The following WIPF3 variants were observed in gnomAD, a reference collection of about 807,000 sequenced individuals.
WIPF3 encodes the protein WAS/WASL interacting protein family member 3, also known as WAS/WASL-interacting protein family member 3.
A neutral mutation model predicts 38.9 loss-of-function variants in WIPF3; 33 were observed. That is an observed-to-expected ratio of 0.85 (90% CI 0.64 to 1.14). The LOEUF (loss-of-function observed/expected upper bound fraction) is 1.14. WIPF3 is among the 50% of genes most tolerant of loss of function. The pLI, the probability that WIPF3 is intolerant of heterozygous loss-of-function variation, is 0.00. For missense variants in WIPF3, 711 were observed against 652.5 expected (o/e 1.09, Z -0.98); for synonymous variants, 324 against 269.3 (o/e 1.20, Z -1.99).
intron 7 of WIPF3, among the ~76,000 whole-genome samples, chr7:29,893,856 G>A (rs1030565327): frequency 3.9e-5 from 6 of 151,986 alleles, no homozygotes. Context: ...GGCCCCTGAA[G>A]GCTTTTTAAT....
chr7:29,808,748 CAG>C (rs1282174388), intron 1 of WIPF3, among the ~76,000 whole-genome samples: 3 of 151,610 alleles, frequency 2.0e-5, no homozygotes, highest in South Asian at 2.1e-4. Context: ...GTTATAAGAA[CAG>C]GGGAAAGCCA....
intron 1 of WIPF3, among the ~76,000 whole-genome samples, chr7:29,822,004 TAA>T (rs1296052333): frequency 1.4e-4 from 21 of 152,264 alleles, no homozygotes; most frequent in Admixed American, 7.8e-4. Context: ...TTAAATCCTT[TAA>T]GTTAATAATT....
chr7:29,866,179 T>C (rs148517842), intron 2 of WIPF3, among the ~76,000 whole-genome samples: 148 of 152,276 alleles, frequency 9.7e-4, no homozygotes, highest in Admixed American at 2.5e-3. Flanking sequence ...GAAGTCTAGA[T>C]TCACTTACAT....
Position 29,834,757 on chromosome 7 carries a change from G to GCC in WIPF3, c.34_35dup (p.Pro13LeufsTer20). The GCC allele has an allele frequency of 1.5e-6, 2 of 1,342,522 alleles. No individual in the cohort carries two copies. Among genetic ancestry groups the GCC allele is most frequent in the Non-Finnish European group, 1.9e-6 (2 of 1,043,378 alleles). The allele number at this position is 1,342,522 out of a possible 1,614,324, so 83.2% of individuals were successfully genotyped here. A position where few individuals can be genotyped will look rare whatever the true frequency, so the allele number is the denominator to read the frequency against. On this transcript the variant is annotated frameshift_variant, in exon 2 of 9. Coordinates refer to ENST00000242140, the MANE Select transcript of WIPF3 (RefSeq NM_001080529.3). LOFTEE classifies it high-confidence loss of function. ...TGCCACCGCCACCCCCACCTCCTCT[G>GCC]CCTCCACCTCCCCCGCCTCTGGGGG...
At chr7:29,905,165 C>A (rs1786367689) in intron 8 of WIPF3, 1 of 152,198 alleles carries the variant, frequency 6.6e-6, no homozygotes, top group Admixed American at 6.5e-5. Flanking sequence ...GGATGAGTTC[C>A]TCAGAGGAAA....
chr7:29,807,556 G>C (rs1298442129), intron 1 of WIPF3, among the ~76,000 whole-genome samples: 1 of 152,208 alleles, frequency 6.6e-6, no homozygotes, highest in African/African-American at 2.4e-5. Flanking sequence ...GGAGGGTGGC[G>C]TGCCAGCCGC....
Position 29,884,572 on chromosome 7 carries a change from A to C in WIPF3, c.1078A>C (p.Lys360Gln). 6.2e-7 allele frequency: 1 copy of C among 1,604,588 alleles called. No individual in the cohort carries two copies. The highest frequency in any genetic ancestry group is 1.3e-5 in the African/African-American group (1 of 74,838). The change falls in exon 5 of 9, where the codon AAG becomes CAG. Residue 360 changes from lysine to glutamine, a missense_variant. Physicochemically the swap from Lys to Gln is moderately conservative, Grantham distance 53. Transcript: ENST00000242140. ...APPGSQPFLQ[K>Q]KRHGRPGAGG... ...TCCGGGCTCCCAGCCGTTCCTGCAG[A>C]AGAAGAGGCATGGCCGACCAGGTAA... is the stretch of plus-strand genomic sequence containing the variant.
At chr7:29,850,768 G>A (rs966972806) in intron 2 of WIPF3, among the ~76,000 whole-genome samples, 3 of 152,150 alleles carry the variant, frequency 2.0e-5, no homozygotes, top group African/African-American at 7.2e-5. Flanking sequence ...TGCCCCACCT[G>A]GCACACACTC....
Position 29,883,854 on chromosome 7 carries a change from C to T in WIPF3, c.360C>T (p.Gly120=), listed in dbSNP as rs1785774035. 3 of 1,528,190 alleles carry T rather than the reference C, an allele frequency of 2.0e-6. No individual in the cohort carries two copies. The highest frequency in any genetic ancestry group is 2.6e-6 in the Non-Finnish European group (3 of 1,135,752). The allele number at this position is 1,528,190 out of a possible 1,614,324, so 94.7% of individuals were successfully genotyped here. The change falls in exon 5 of 9, where the codon GGC becomes GGT. Residue 120 remains glycine, a synonymous_variant. Transcript: ENST00000242140. ...RPAGQRDVAG[G]KTGQGPGSRA... is the part of the protein sequence containing the mutation. ...CAGAATCTCTTTCACTTCCAGGTGGCAAGACAGGGCAGGGCCCTGGCTCCC... is the reference window on the plus strand; with the variant it reads ...CAGAATCTCTTTCACTTCCAGGTGGTAAGACAGGGCAGGGCCCTGGCTCCC...
At chr7:29,808,619 GT>G (rs1784324181) in intron 1 of WIPF3, among the ~76,000 whole-genome samples, 1 of 152,046 alleles carries the variant, frequency 6.6e-6, no homozygotes, top group Non-Finnish European at 1.5e-5. Flanking sequence ...AGGAGTCTCT[GT>G]TTTCACGTAA....
At chr7:29,879,253 A>G (rs1003861972) in intron 4 of WIPF3, 113 bp downstream of exon 4, 19 of 1,319,032 alleles carry the variant, frequency 1.4e-5, no homozygotes, top group South Asian at 2.8e-5. Context: ...AACGGGCATG[A>G]TAGAGTAGAA....
At chr7:29,827,645 T>C (rs532885212) in intron 1 of WIPF3, among the ~76,000 whole-genome samples, 154 of 152,212 alleles carry the variant, frequency 1.0e-3, no homozygotes, top group Middle Eastern at 3.4e-3. Flanking sequence ...GGTTCAGAAG[T>C]GAGAAATCAT....
At chr7:29,890,682 C>T (rs1283892153) in intron 7 of WIPF3, among the ~76,000 whole-genome samples, 1 of 152,038 alleles carries the variant, frequency 6.6e-6, no homozygotes, top group African/African-American at 2.4e-5. Flanking sequence ...CTGCCGTGTG[C>T]TCAGGTGGAG....
At chr7:29,875,662 G>C (rs779904440) in intron 2 of WIPF3, among the ~76,000 whole-genome samples, 168 bp from the exon 3 acceptor site, 1 of 152,164 alleles carries the variant, frequency 6.6e-6, no homozygotes, top group African/African-American at 2.4e-5. Context: ...ACCAGGAAAA[G>C]AGGTGTGAGC....
At chr7:29,877,330 T>C (rs1236201928) in intron 3 of WIPF3, among the ~76,000 whole-genome samples, 1 of 152,162 alleles carries the variant, frequency 6.6e-6, no homozygotes, top group Non-Finnish European at 1.5e-5. Flanking sequence ...CTCTCAGTGG[T>C]TTCTGATGTT....
In WIPF3 at chr7:29,859,334, G is replaced by C. The variant is rs571977836; in HGVS notation, c.91-16496G>C. Among the ~76,000 whole-genome samples, 3 of 152,274 alleles carry C rather than the reference G, an allele frequency of 2.0e-5. No homozygotes were observed. The South Asian group carries it at 6.2e-4, about 32-fold the overall frequency. On this transcript the variant is annotated intron_variant, in intron 2 of 8. Coordinates refer to ENST00000242140, the MANE Select transcript of WIPF3 (RefSeq NM_001080529.3). ...GCTGGACCAGGTGACATTCCATGTC[G>C]GGAAGATCAAAGGCCATCTGAGGGC...
Position 29,884,579 on chromosome 7 carries a change from G to T in WIPF3, c.1085G>T (p.Arg362Met). The change falls in exon 5 of 9, where the codon AGG (arginine) becomes ATG (methionine). Residue 362 changes from arginine to methionine, a missense_variant. Coordinates refer to ENST00000242140, the MANE Select transcript of WIPF3 (RefSeq NM_001080529.3). ...PGSQPFLQKK[R>M]HGRPGAGGGK... The stretch of plus-strand genomic sequence containing the variant: ...TCCCAGCCGTTCCTGCAGAAGAAGA[G>T]GCATGGCCGACCAGGTAAGGAGCGC... 6.2e-7 allele frequency: 1 copy of T among 1,605,202 alleles called. No individual in the cohort carries two copies.
intron 2 of WIPF3, among the ~76,000 whole-genome samples, chr7:29,859,923 G>C (rs1785246739): frequency 6.6e-6 from 1 of 152,186 alleles, no homozygotes; most frequent in Non-Finnish European, 1.5e-5. Context: ...AATTGGAGAA[G>C]GCTGTGTCAG....
chr7:29,845,667 G>A (rs1784987949), intron 2 of WIPF3, among the ~76,000 whole-genome samples: 1 of 152,204 alleles, frequency 6.6e-6, no homozygotes, highest in Non-Finnish European at 1.5e-5. Flanking sequence ...GGCATTAGAT[G>A]TGCCTAGATA....
Sources: gnomAD v4.1 joint callset for allele counts (sites outside exome capture counted in the v4.1 genomes callset) on GRCh38, gnomAD v4.1.1 for gene constraint, MANE v1.5 for transcripts, NCBI Gene and HGNC (gene_info 2026-07-23, HGNC 2026-07-21) for gene names.